RSBN1L: variants seen among roughly 807,000 people sequenced by gnomAD.
The protein encoded by RSBN1L is round spermatid basic protein 1 like.
Under a neutral mutation model 67.7 loss-of-function variants are expected in RSBN1L, and 30 were observed. The ratio of observed to expected loss-of-function variants is 0.44; its 90% CI spans 0.33 to 0.60. The LOEUF (loss-of-function observed/expected upper bound fraction) is 0.60. Among genes scored for constraint, RSBN1L ranks in the 20% least tolerant of loss-of-function variants. The pLI, the probability that RSBN1L is intolerant of heterozygous loss-of-function variation, is 0.02. For missense variants in RSBN1L, 992 were observed against 1,031.7 expected (o/e 0.96, Z 0.53); for synonymous variants, 433 against 387.0 (o/e 1.12, Z -1.39).
intron 1 of RSBN1L, among the ~76,000 whole-genome samples, chr7:77,705,423 GCATA>G (rs1318058414): frequency 6.6e-6 from 1 of 151,766 alleles, no homozygotes; most frequent in African/African-American, 2.4e-5. Context: ...GGATCAGGAG[GCATA>G]CAGTCTTTAG....
chr7:77,770,630 ATGAGTACATCAC>A (rs1791835354), intron 5 of RSBN1L, among the ~76,000 whole-genome samples: 1 of 151,504 alleles, frequency 6.6e-6, no homozygotes, highest in East Asian at 2.0e-4. Context: ...GCAGTAAGCT[ATGAGTACATCAC>A]TGCACTCCAG....
At chr7:77,743,975 C>T (rs1010207439) in intron 2 of RSBN1L, among the ~76,000 whole-genome samples, 4 of 152,192 alleles carry the variant, frequency 2.6e-5, no homozygotes, top group African/African-American at 9.7e-5. Context: ...ATCCTCCTGC[C>T]TTGGCCTCCC....
Position 77,745,866 on chromosome 7 carries a change from G to A in RSBN1L, c.704-3558G>A, listed in dbSNP as rs184906969. On this transcript the variant is annotated intron_variant, in intron 2 of 7. Coordinates refer to ENST00000334955, the MANE Select transcript of RSBN1L (RefSeq NM_198467.3). ...CCCAGCACTAGTATCATCTCAGATCGTTAGGCATTAGAGTCTCCATAAGGA... is the reference window on the plus strand; with the variant it reads ...CCCAGCACTAGTATCATCTCAGATCATTAGGCATTAGAGTCTCCATAAGGA... Among the ~76,000 whole-genome samples, 362 of 152,282 alleles carry A rather than the reference G, an allele frequency of 2.4e-3. 3 individuals carry two copies. The highest frequency in any genetic ancestry group is 5.0e-3 in the Admixed American group (77 of 15,292).
chr7:77,742,180 A>ACACACAC (rs60910312), intron 2 of RSBN1L, among the ~76,000 whole-genome samples: 28 of 82,158 alleles, frequency 3.4e-4, no homozygotes, highest in African/African-American at 1.0e-3. Context: ...AAAAAAAAAA[A>ACACACAC]ATACACACAC....
At chr7:77,707,800 A>G (rs1169835416) in intron 1 of RSBN1L, among the ~76,000 whole-genome samples, 1 of 152,174 alleles carries the variant, frequency 6.6e-6, no homozygotes, top group Non-Finnish European at 1.5e-5. Context: ...TGCAGTGAGT[A>G]CTTGGGTGCA....
At chr7:77,724,822 C>A (rs911969799) in intron 1 of RSBN1L, among the ~76,000 whole-genome samples, 3 of 151,160 alleles carry the variant, frequency 2.0e-5, no homozygotes, top group African/African-American at 7.3e-5. Context: ...GGGTAAGCCC[C>A]CTATTTTTTT....
At chr7:77,742,838 A>C (rs996213625) in intron 2 of RSBN1L, among the ~76,000 whole-genome samples, 4 of 152,112 alleles carry the variant, frequency 2.6e-5, no homozygotes, top group African/African-American at 4.8e-5. Context: ...ACCCTGTCTT[A>C]AACAACAACA....
intron 1 of RSBN1L, among the ~76,000 whole-genome samples, chr7:77,722,755 A>C (rs1562797452): frequency 6.6e-6 from 1 of 151,790 alleles, no homozygotes; most frequent in East Asian, 1.9e-4. Context: ...CCTGGAAGGA[A>C]TAATGTAAGA....
intron 1 of RSBN1L, among the ~76,000 whole-genome samples, chr7:77,729,680 C>T (rs1019915625): frequency 1.4e-4 from 21 of 152,188 alleles, no homozygotes; most frequent in African/African-American, 5.1e-4. Context: ...AGGCTGGGTG[C>T]AGTGGCTCAC....
intron 2 of RSBN1L, among the ~76,000 whole-genome samples, chr7:77,746,086 A>G (rs1178886941): frequency 3.3e-5 from 5 of 152,208 alleles, no homozygotes; most frequent in Non-Finnish European, 7.3e-5. Flanking sequence ...GCTATGGACC[A>G]GTACCGGTCT....
chr7:77,765,662 T>A, intron 4 of RSBN1L, 30 bp downstream of exon 4: 2 of 1,369,674 alleles, frequency 1.5e-6, no homozygotes, highest in Non-Finnish European at 2.0e-6. Flanking sequence ...GGGATTAGAG[T>A]TTTTTTTTTA....
At chr7:77,760,624 ATTT>A (rs1345078135) in intron 3 of RSBN1L, among the ~76,000 whole-genome samples, 2 of 151,970 alleles carry the variant, frequency 1.3e-5, no homozygotes, top group African/African-American at 2.4e-5. Flanking sequence ...TTCTATTATT[ATTT>A]TTTATTTAGT....
At position 77,779,014 on chromosome 7, in the gene RSBN1L, C is replaced by G; in HGVS notation, c.2387C>G (p.Ala796Gly). Residue 796 changes from alanine (A) to glycine (G), a missense_variant, in exon 8 of 8, where the codon GCA becomes GGA. Physicochemically the swap from Ala to Gly is moderately conservative, Grantham distance 60 (BLOSUM62 0). Around this residue, in one of 7 missense-constraint regions of RSBN1L, gnomAD observed 199 missense variants for 167.7 expected, o/e 1.19. Coordinates refer to ENST00000334955, the MANE Select transcript of RSBN1L (RefSeq NM_198467.3). ...VKAKLDHVQF[A>G]EFKIDMDSKF... ...GCAAAATTGGATCATGTTCAATTTGCAGAATTTAAGATTGACATGGATTCT... is the reference window on the plus strand; with the variant it reads ...GCAAAATTGGATCATGTTCAATTTGGAGAATTTAAGATTGACATGGATTCT... 1.9e-6 allele frequency: 3 copies of G among 1,613,894 alleles called. No individual in the cohort carries two copies. Among genetic ancestry groups the G allele is most frequent in the Non-Finnish European group, 2.5e-6 (3 of 1,179,932 alleles).
chr7:77,700,658 T>C (rs779402064), intron 1 of RSBN1L, among the ~76,000 whole-genome samples: 2 of 152,230 alleles, frequency 1.3e-5, no homozygotes, highest in Non-Finnish European at 2.9e-5. Context: ...ACTAAATATT[T>C]GTCTCTGCTG....
chr7:77,700,402 A>G (rs2150410666), intron 1 of RSBN1L, among the ~76,000 whole-genome samples: 1 of 152,354 alleles, frequency 6.6e-6, no homozygotes, highest in South Asian at 2.1e-4. Context: ...TTTCCTTAAA[A>G]TGACCCTGTG....
intron 1 of RSBN1L, among the ~76,000 whole-genome samples, chr7:77,715,046 C>G (rs1475133585): frequency 6.6e-6 from 1 of 151,236 alleles, no homozygotes; most frequent in Non-Finnish European, 1.5e-5. Context: ...CTGATATGGG[C>G]AGGTCACCTG....
intron 1 of RSBN1L, among the ~76,000 whole-genome samples, chr7:77,734,719 C>A (rs1562800430): frequency 6.6e-6 from 1 of 152,088 alleles, no homozygotes. Context: ...GAACTCCTGA[C>A]CTCGGGTGAT....
chr7:77,759,280 CTATACAA>C (rs1791665690), intron 3 of RSBN1L, among the ~76,000 whole-genome samples: 1 of 152,158 alleles, frequency 6.6e-6, no homozygotes, highest in Non-Finnish European at 1.5e-5. Flanking sequence ...AAGAACTGAT[CTATACAA>C]AATATCGTGT....
At chr7:77,720,770 T>C (rs1323300652) in intron 1 of RSBN1L, among the ~76,000 whole-genome samples, 4 of 142,256 alleles carry the variant, frequency 2.8e-5, no homozygotes, top group East Asian at 4.0e-4. Context: ...TTTCTTTTTT[T>C]TTTTTTTTTT....
Sources: allele counts gnomAD v4.1 joint callset (sites outside exome capture counted in the v4.1 genomes callset), GRCh38; gene constraint gnomAD v4.1.1; regional missense constraint gnomAD v4.1.1; transcripts MANE v1.5; gene names NCBI Gene and HGNC (gene_info 2026-07-23, HGNC 2026-07-21).